ZBTB20: variants seen among roughly 807,000 people sequenced by gnomAD.
ZBTB20 encodes zinc finger and BTB domain containing 20.
A neutral mutation model predicts 56.9 loss-of-function variants in ZBTB20; 9 were observed. That is an observed-to-expected ratio of 0.16 (90% CI 0.10 to 0.28). The LOEUF (loss-of-function observed/expected upper bound fraction) is 0.28, where lower values mean the gene tolerates loss of function less well. Ranked by LOEUF, ZBTB20 falls within the 10% of genes least tolerant of loss-of-function variation. ZBTB20 has a pLI of 1.00. For synonymous variants in ZBTB20, 417 were observed against 420.7 expected, an observed-to-expected ratio of 0.99 and a Z score of 0.11; for missense variants, 655 against 1,003.0, an observed-to-expected ratio of 0.65 and a Z score of 4.69.
chr3:114,568,685 T>C (rs186045922), intron 6 of ZBTB20, among the ~76,000 whole-genome samples: 1 of 152,196 alleles, frequency 6.6e-6, no homozygotes, highest in South Asian at 2.1e-4. Flanking sequence ...CAATACTTGA[T>C]TCAAGGAATT....
Position 114,329,558 on chromosome 3 carries a change from G to A in ZBTB20, c.*9447C>T, listed in dbSNP as rs2079169121. The stretch of plus-strand genomic sequence containing the variant: ...AGGCACCAAATCCTCACTTTAACAG[G>A]TAAATGGAGATCCTGAGGGCTGGAT... On this transcript the variant is annotated 3_prime_UTR_variant, in exon 12 of 12. Transcript: ENST00000675478. The A allele has an allele frequency of 6.6e-6, 1 of 152,006 alleles. No homozygotes were observed. Among genetic ancestry groups the A allele is most frequent in the Admixed American group, 6.6e-5 (1 of 15,258 alleles). The allele number at this position is 152,006 out of a possible 1,614,324, so 9.4% of individuals were successfully genotyped here.
At chr3:114,543,616 A>G (rs186204208) in intron 6 of ZBTB20, among the ~76,000 whole-genome samples, 1 of 152,336 alleles carries the variant, frequency 6.6e-6, no homozygotes, top group East Asian at 1.9e-4. Flanking sequence ...CTCTATTAGA[A>G]AACTGGCTGT....
chr3:115,042,316 C>A (rs937845001), intron 2 of ZBTB20, among the ~76,000 whole-genome samples: 2 of 152,166 alleles, frequency 1.3e-5, no homozygotes, highest in Admixed American at 6.5e-5. Context: ...ACATTATTTT[C>A]ACTTTTTTAT....
In ZBTB20 at chr3:114,338,119, G is replaced by T; in HGVS notation, c.*886C>A. On this transcript the variant is annotated 3_prime_UTR_variant, in exon 12 of 12. Coordinates refer to ENST00000675478, the MANE Select transcript of ZBTB20 (RefSeq NM_001348800.3). Reference sequence around the variant, plus strand: ...TTTTTTTTTTTTTGCAAAGATTGTTGGAAATAATCCTTCTCTTGTACCTAG... The same window carrying T: ...TTTTTTTTTTTTTGCAAAGATTGTTTGAAATAATCCTTCTCTTGTACCTAG... 1 of 143,492 alleles carries T rather than the reference G, an allele frequency of 7.0e-6. No homozygotes were observed. 8.9% of individuals were successfully genotyped at this position (143,492 alleles called of 1,614,324 possible).
intron 2 of ZBTB20, among the ~76,000 whole-genome samples, chr3:115,016,000 A>G (rs1334984424): frequency 6.6e-6 from 1 of 151,916 alleles, no homozygotes; most frequent in African/African-American, 2.4e-5. Context: ...GGACTGTTTA[A>G]TAATTGCCAT....
At chr3:114,836,437 T>C (rs1256441810) in intron 4 of ZBTB20, among the ~76,000 whole-genome samples, 1 of 152,200 alleles carries the variant, frequency 6.6e-6, no homozygotes, top group African/African-American at 2.4e-5. Context: ...GCTTAAAACA[T>C]AGAATAGCAA....
chr3:114,580,129 T>C (rs1387076839), intron 6 of ZBTB20, among the ~76,000 whole-genome samples: 1 of 151,608 alleles, frequency 6.6e-6, no homozygotes, highest in Non-Finnish European at 1.5e-5. Context: ...TGTCAGTAAA[T>C]TAAACTCAAT....
intron 4 of ZBTB20, among the ~76,000 whole-genome samples, chr3:114,804,818 C>T (rs1033705624): frequency 1.3e-5 from 2 of 151,772 alleles, no homozygotes; most frequent in African/African-American, 4.8e-5. Flanking sequence ...GAATACTTTA[C>T]TATGTGTTAC....
At chr3:114,544,230 A>G (rs910515045) in intron 6 of ZBTB20, among the ~76,000 whole-genome samples, 7 of 152,212 alleles carry the variant, frequency 4.6e-5, no homozygotes, top group African/African-American at 9.6e-5. Context: ...AAATCATTTA[A>G]GTATTTGTTT....
At chr3:114,719,606 C>A (rs570880557) in intron 5 of ZBTB20, among the ~76,000 whole-genome samples, 2 of 152,254 alleles carry the variant, frequency 1.3e-5, no homozygotes, top group South Asian at 2.1e-4. Flanking sequence ...TCCATCAATT[C>A]TCTCCCTGAT....
At chr3:114,533,786 T>C (rs1377339150) in intron 6 of ZBTB20, among the ~76,000 whole-genome samples, 1 of 152,116 alleles carries the variant, frequency 6.6e-6, no homozygotes, top group African/African-American at 2.4e-5. Context: ...TAACAACAGA[T>C]CTCTCTGCAG....
intron 6 of ZBTB20, among the ~76,000 whole-genome samples, chr3:114,588,543 C>T (rs2055416630): frequency 6.6e-6 from 1 of 152,060 alleles, no homozygotes; most frequent in African/African-American, 2.4e-5. Context: ...AAAATTTTTT[C>T]TTATAGTATT....
rs911512890 is a variant in ZBTB20, at chr3:114,366,376, A to G, written c.199+13841T>C. On this transcript the variant is annotated intron_variant, in intron 10 of 11. Coordinates refer to ENST00000675478, the MANE Select transcript of ZBTB20 (RefSeq NM_001348800.3). ...GTGGAGAGTTCAGATTGCAACTGCT[A>G]TCATTTCTGGGGGGAATGGGGGTGG... 2.0e-5 allele frequency among the ~76,000 whole-genome samples: 3 copies of G among 151,878 alleles called. No individual in the cohort carries two copies. The South Asian group carries it at 6.2e-4, about 32-fold the overall frequency.
intron 3 of ZBTB20, among the ~76,000 whole-genome samples, chr3:114,961,238 A>G (rs968590835): frequency 6.6e-5 from 10 of 151,628 alleles, no homozygotes; most frequent in African/African-American, 9.7e-5. Context: ...CTAGTCAAAT[A>G]TGTCATAAGC....
chr3:114,541,920 T>C (rs1294723678), intron 6 of ZBTB20, among the ~76,000 whole-genome samples: 1 of 152,176 alleles, frequency 6.6e-6, no homozygotes, highest in African/African-American at 2.4e-5. Flanking sequence ...GTAATATATG[T>C]AACACATGCT....
intron 1 of ZBTB20, among the ~76,000 whole-genome samples, chr3:115,106,661 C>A (rs1200276910): frequency 1.3e-5 from 2 of 152,060 alleles, no homozygotes; most frequent in African/African-American, 4.8e-5. Context: ...AAATTCTAAT[C>A]AACAAATGTT....
Position 114,945,345 on chromosome 3 carries a change from T to A in ZBTB20, c.-456+29021A>T, listed in dbSNP as rs1328714806. ...TGATAGAGAAATGCAAAAAATAAAG[T>A]ACACAGACAAGATTAGTATGCGTAT... On this transcript the variant is annotated intron_variant, in intron 3 of 11. Coordinates refer to ENST00000675478, the MANE Select transcript of ZBTB20 (RefSeq NM_001348800.3). 4.8e-5 allele frequency among the ~76,000 whole-genome samples: 7 copies of A among 144,974 alleles called. 2 individuals are homozygous for A. The highest frequency in any genetic ancestry group is 2.0e-4 in the African/African-American group (7 of 35,506).
intron 6 of ZBTB20, among the ~76,000 whole-genome samples, chr3:114,656,308 A>G (rs2060403429): frequency 6.6e-6 from 1 of 152,192 alleles, no homozygotes; most frequent in Non-Finnish European, 1.5e-5. Context: ...CAAATTTTGG[A>G]CATTTTCAGC....
intron 6 of ZBTB20, among the ~76,000 whole-genome samples, chr3:114,548,232 GA>G (rs1406320739): frequency 1.3e-5 from 2 of 152,204 alleles, no homozygotes; most frequent in African/African-American, 4.8e-5. Context: ...GGTGACAGGA[GA>G]AAGGAAAACT....
Sources: allele counts gnomAD v4.1 joint callset (sites outside exome capture counted in the v4.1 genomes callset), GRCh38; gene constraint gnomAD v4.1.1; transcripts MANE v1.5; gene names NCBI Gene and HGNC (gene_info 2026-07-23, HGNC 2026-07-21).